Variants in C1QTNF3 observed in about 807,000 individuals in gnomAD.
C1QTNF3 encodes complement C1q tumor necrosis factor-related protein 3.
In C1QTNF3, 26 loss-of-function variants were observed where a neutral mutation model predicts 32.6. That is an observed-to-expected ratio of 0.80 (90% confidence interval 0.58 to 1.11). The LOEUF (loss-of-function observed/expected upper bound fraction) is 1.11, where lower values mean the gene tolerates loss of function less well. Among genes scored for constraint, C1QTNF3 ranks in the 50% least tolerant of loss-of-function variants. C1QTNF3 has a pLI of 0.00. For synonymous variants in C1QTNF3, 155 were observed against 146.0 expected, an observed-to-expected ratio of 1.06 and a Z score of -0.44; for missense variants, 362 against 398.2, an observed-to-expected ratio of 0.91 and a Z score of 0.77.
intron 2 of C1QTNF3, among the ~76,000 whole-genome samples, chr5:34,035,165 C>T (rs1754705168): frequency 6.6e-6 from 1 of 152,162 alleles, no homozygotes; most frequent in African/African-American, 2.4e-5. Context: ...AATTGCTGGT[C>T]TAGTGGGGTC....
At chr5:34,208,631 T>C in the C1QTNF3 span, among the ~76,000 whole-genome samples, 4 of 152,070 alleles carry the variant, frequency 2.6e-5, no homozygotes, top group Non-Finnish European at 5.9e-5. Flanking sequence ...TGAAAATACC[T>C]TGGCAAAATC....
At chr5:34,073,812 G>A in the C1QTNF3 span, among the ~76,000 whole-genome samples, 1 of 151,744 alleles carries the variant, frequency 6.6e-6, no homozygotes, top group Non-Finnish European at 1.5e-5. Flanking sequence ...TTCACAGAAC[G>A]TGCCCCTTTC....
At position 34,035,500 on chromosome 5, in the gene C1QTNF3, C is replaced by A. The variant is rs577469022; in HGVS notation, c.415+147G>T. 133 of 681,994 alleles carry A rather than the reference C, an allele frequency of 2.0e-4. No individual in the cohort carries two copies. The African/African-American group carries it at 2.2e-3, about 11-fold the overall frequency. The allele number at this position is 681,994 out of a possible 1,614,324, so 42.2% of individuals were successfully genotyped here. On this transcript the variant is annotated intron_variant, in intron 2 of 5. Transcript: ENST00000382065. ...TCAATGCTGTTGAGGAGCCTCCCAG[C>A]CTATGAACCTGGTATTCCAGGGTGC...
the C1QTNF3 span, among the ~76,000 whole-genome samples, chr5:34,082,559 C>T: frequency 6.6e-6 from 1 of 151,718 alleles, no homozygotes; most frequent in Admixed American, 6.6e-5. Flanking sequence ...AGCATCGTCT[C>T]TGACTATTGA....
chr5:34,072,381 GAAAGA>G, the C1QTNF3 span, among the ~76,000 whole-genome samples: 3 of 147,826 alleles, frequency 2.0e-5, no homozygotes, highest in Non-Finnish European at 4.5e-5. Context: ...GAGAAAGAAA[GAAAGA>G]AAGAAAGAAA....
chr5:34,036,306 C>G (rs1341588768), intron 1 of C1QTNF3, among the ~76,000 whole-genome samples: 2 of 152,114 alleles, frequency 1.3e-5, no homozygotes, highest in African/African-American at 4.8e-5. Flanking sequence ...CTTAAATTGT[C>G]TTAGAAAACG....
In C1QTNF3 at chr5:34,042,826, G is replaced by A. The variant is rs190492922; in HGVS notation, c.300C>T (p.Gly100=). The change falls in exon 1 of 6, where the codon GGC becomes GGT. Residue 100 remains glycine (G), a synonymous_variant. Coordinates refer to ENST00000382065, the MANE Select transcript of C1QTNF3 (RefSeq NM_181435.6). ...CTTAGAAGAGAATTCTGAGTACCTGGCCCCAGAATGTGGTGATCTGGGCTA... is the reference window on the plus strand; with the variant it reads ...CTTAGAAGAGAATTCTGAGTACCTGACCCCAGAATGTGGTGATCTGGGCTA... ...DDLAQITTFW[G]QSPQTGGLPP... 2.7e-4 allele frequency: 434 copies of A among 1,610,150 alleles called. 1 individual carries two copies. The highest frequency in any genetic ancestry group is 6.0e-4 in the Admixed American group (36 of 59,680).
At chr5:34,049,598 T>G in the C1QTNF3 span, among the ~76,000 whole-genome samples, 4 of 152,204 alleles carry the variant, frequency 2.6e-5, no homozygotes, top group Admixed American at 2.6e-4. Context: ...ACAAGGGTTT[T>G]CTTGAAGATC....
the C1QTNF3 span, among the ~76,000 whole-genome samples, chr5:34,065,852 T>C: frequency 6.6e-5 from 10 of 152,096 alleles, no homozygotes; most frequent in Non-Finnish European, 2.9e-5. Flanking sequence ...GGAAAACAGA[T>C]CATTATACCA....
At chr5:34,055,700 C>T in the C1QTNF3 span, among the ~76,000 whole-genome samples, 1 of 152,200 alleles carries the variant, frequency 6.6e-6, no homozygotes, top group Non-Finnish European at 1.5e-5. Flanking sequence ...TGGATTTATA[C>T]CCTGATAGGT....
At chr5:34,072,421 G>GAAAGAAAGAA in the C1QTNF3 span, among the ~76,000 whole-genome samples, 10 of 100,510 alleles carry the variant, frequency 9.9e-5, no homozygotes, top group Middle Eastern at 5.0e-3. Flanking sequence ...AAGAAAGAAA[G>GAAAGAAAGAA]AACAGAAATG....
the C1QTNF3 span, among the ~76,000 whole-genome samples, chr5:34,145,048 G>T: frequency 6.6e-6 from 1 of 152,138 alleles, no homozygotes; most frequent in Non-Finnish European, 1.5e-5. Context: ...AAAATTGCTT[G>T]AACCCGGGAG....
At chr5:34,101,661 G>A in the C1QTNF3 span, among the ~76,000 whole-genome samples, 2 of 152,014 alleles carry the variant, frequency 1.3e-5, no homozygotes, top group African/African-American at 2.4e-5. Flanking sequence ...AGGAAACCTT[G>A]CAATTCCTGC....
intron 1 of C1QTNF3, among the ~76,000 whole-genome samples, chr5:34,037,677 GA>G (rs1754773112): frequency 6.6e-6 from 1 of 152,182 alleles, no homozygotes; most frequent in African/African-American, 2.4e-5. Context: ...ACCTGGACAA[GA>G]ACTAGAGTCT....
rs1754277497 is a variant in C1QTNF3, at chr5:34,019,648, T to C, written c.*935A>G. 6.6e-6 allele frequency: 1 copy of C among 152,230 alleles called. No individual in the cohort carries two copies. The highest frequency in any genetic ancestry group is 2.4e-5 in the African/African-American group (1 of 41,454). 9.4% of individuals were successfully genotyped at this position (152,230 alleles called of 1,614,324 possible). A position where few individuals can be genotyped will look rare whatever the true frequency, so the allele number is the denominator to read the frequency against. On this transcript the variant is annotated 3_prime_UTR_variant, in exon 6 of 6. Coordinates refer to ENST00000382065, the MANE Select transcript of C1QTNF3 (RefSeq NM_181435.6). ...TTTCACTTTCTGTTAACCATAGTGA[T>C]TTACAATTCTATGACTATTAAAGTT...
At chr5:34,033,259 A>G (rs753765298) in intron 3 of C1QTNF3, 45 bp downstream of exon 3, 4 of 1,597,478 alleles carry the variant, frequency 2.5e-6, no homozygotes, top group Admixed American at 1.8e-5. Context: ...CCTTTTGGTC[A>G]GGCAGGTTGG....
At chr5:34,091,065 C>A in the C1QTNF3 span, among the ~76,000 whole-genome samples, 11 of 152,060 alleles carry the variant, frequency 7.2e-5, no homozygotes, top group Admixed American at 2.0e-4. Flanking sequence ...GTGCTGGATG[C>A]GTGTATTGAA....
At chr5:34,163,306 A>C in the C1QTNF3 span, among the ~76,000 whole-genome samples, 1 of 152,210 alleles carries the variant, frequency 6.6e-6, no homozygotes, top group African/African-American at 2.4e-5. Flanking sequence ...TATATAACAA[A>C]CCTTCGCATG....
chr5:34,029,536 A>G (rs1754559558), intron 3 of C1QTNF3, among the ~76,000 whole-genome samples: 1 of 152,246 alleles, frequency 6.6e-6, no homozygotes, highest in African/African-American at 2.4e-5. Flanking sequence ...AATATCTTCA[A>G]TACACTGTTT....
Sources: gnomAD v4.1 joint callset for allele counts (sites outside exome capture counted in the v4.1 genomes callset) on GRCh38, gnomAD v4.1.1 for gene constraint, MANE v1.5 for transcripts, NCBI Gene and HGNC (gene_info 2026-07-23, HGNC 2026-07-21) for gene names.